The following ARL15 variants were observed in gnomAD, a reference collection of about 807,000 sequenced individuals.
The protein encoded by ARL15 is ADP-ribosylation factor-like protein 15.
A neutral mutation model predicts 25.2 loss-of-function variants in ARL15; 19 were observed. The ratio of observed to expected loss-of-function variants is 0.75; its 90% CI spans 0.53 to 1.10. The LOEUF is 1.10. Among genes scored for constraint, ARL15 ranks in the 50% least tolerant of loss-of-function variants. ARL15 has a pLI of 0.00. For synonymous variants in ARL15, 94 were observed against 86.8 expected (o/e 1.08, Z -0.46); for missense variants, 220 against 246.0 (o/e 0.89, Z 0.71).
chr5:54,084,488 A>G (rs1016102235), intron 4 of ARL15, among the ~76,000 whole-genome samples: 1 of 151,918 alleles, frequency 6.6e-6, no homozygotes, highest in African/African-American at 2.4e-5. Context: ...TTAAGGGAAA[A>G]AGCACAACAG....
At chr5:54,081,381 C>A (rs1412984724) in intron 4 of ARL15, among the ~76,000 whole-genome samples, 1 of 152,080 alleles carries the variant, frequency 6.6e-6, no homozygotes, top group Non-Finnish European at 1.5e-5. Flanking sequence ...AAAGAAAGAA[C>A]TGAAACAGTC....
intron 1 of ARL15, among the ~76,000 whole-genome samples, chr5:54,206,894 TA>T (rs1384367648): frequency 3.9e-5 from 6 of 152,174 alleles, no homozygotes; most frequent in African/African-American, 1.4e-4. Context: ...AGCCCAGATG[TA>T]AAAAAGTAAG....
intron 4 of ARL15, among the ~76,000 whole-genome samples, chr5:53,897,038 C>T (rs1215115190): frequency 6.6e-6 from 1 of 152,168 alleles, no homozygotes; most frequent in East Asian, 1.9e-4. Flanking sequence ...TTCTTTAGCA[C>T]ATGTTTTACT....
intron 3 of ARL15, among the ~76,000 whole-genome samples, chr5:54,132,990 G>A (rs72752122): frequency 0.1 from 15,668 of 152,118 alleles, 1,012 homozygotes; most frequent in Non-Finnish European, 0.15. Flanking sequence ...CAATAACAAA[G>A]ACAATAGAAT....
chr5:53,921,786 C>CA (rs928924237), intron 4 of ARL15, among the ~76,000 whole-genome samples: 3 of 152,060 alleles, frequency 2.0e-5, no homozygotes, highest in Admixed American at 1.3e-4. Context: ...CAAAACAAAA[C>CA]AAAAAATCAT....
chr5:54,272,904 G>A (rs1301309030), intron 1 of ARL15, among the ~76,000 whole-genome samples: 1 of 152,170 alleles, frequency 6.6e-6, no homozygotes, highest in East Asian at 1.9e-4. Flanking sequence ...AGCTAGCAGA[G>A]TAAGGAGACC....
intron 1 of ARL15, among the ~76,000 whole-genome samples, chr5:54,244,714 C>G (rs985348332): frequency 2.0e-5 from 3 of 152,036 alleles, no homozygotes; most frequent in African/African-American, 7.2e-5. Flanking sequence ...ATCTGCCTCT[C>G]TCCAGCACTG....
chr5:53,956,433 C>G (rs1331970402), intron 4 of ARL15, among the ~76,000 whole-genome samples: 2 of 148,824 alleles, frequency 1.3e-5, no homozygotes, highest in Admixed American at 6.6e-5. Context: ...ATGGTCCATT[C>G]ACAAAAGACC....
intron 1 of ARL15, chr5:54,282,168 T>A: frequency 5.2e-6 from 4 of 774,490 alleles, no homozygotes; most frequent in Non-Finnish European, 6.3e-6. Context: ...TATACCCCCA[T>A]CAGCAGTAGA....
chr5:54,111,042 T>A (rs1475995864), intron 4 of ARL15, among the ~76,000 whole-genome samples: 3 of 152,044 alleles, frequency 2.0e-5, no homozygotes, highest in African/African-American at 4.8e-5. Context: ...TGTGCTTCCA[T>A]AAACTTCAAG....
At chr5:54,132,949 T>C (rs1000423592) in intron 3 of ARL15, among the ~76,000 whole-genome samples, 2 of 152,192 alleles carry the variant, frequency 1.3e-5, no homozygotes, top group African/African-American at 2.4e-5. Context: ...TAAAAAAATC[T>C]AAACGATAAT....
intron 1 of ARL15, among the ~76,000 whole-genome samples, chr5:54,251,358 G>A (rs1341709453): frequency 6.6e-6 from 1 of 152,148 alleles, no homozygotes; most frequent in Non-Finnish European, 1.5e-5. Context: ...CTTGTTTGTT[G>A]AGTATGTTTT....
At chr5:53,943,689 C>T (rs1746623691) in intron 4 of ARL15, among the ~76,000 whole-genome samples, 1 of 152,058 alleles carries the variant, frequency 6.6e-6, no homozygotes, top group Non-Finnish European at 1.5e-5. Flanking sequence ...GAGTGGGTGG[C>T]TGAGATAGAG....
chr5:54,152,665 T>C (rs1754102572), intron 3 of ARL15, among the ~76,000 whole-genome samples: 1 of 152,232 alleles, frequency 6.6e-6, no homozygotes, highest in Non-Finnish European at 1.5e-5. Context: ...CGAATGTATC[T>C]GCTCTGATCC....
intron 4 of ARL15, among the ~76,000 whole-genome samples, chr5:54,012,058 T>C (rs2111788457): frequency 6.6e-6 from 1 of 152,270 alleles, no homozygotes; most frequent in South Asian, 2.1e-4. Context: ...ATTGTAAATT[T>C]AAGGTAGCAT....
intron 1 of ARL15, among the ~76,000 whole-genome samples, chr5:54,175,351 T>C (rs1408199604): frequency 6.6e-6 from 1 of 151,972 alleles, no homozygotes. Flanking sequence ...TTTTTTTTTT[T>C]CAGACAGAGT....
At chr5:54,007,961 C>T (rs1237097827) in intron 4 of ARL15, among the ~76,000 whole-genome samples, 2 of 152,110 alleles carry the variant, frequency 1.3e-5, no homozygotes, top group African/African-American at 4.8e-5. Context: ...AGACTCAGAC[C>T]TTCAATACAT....
chr5:54,208,304 T>C (rs191108865), intron 1 of ARL15, among the ~76,000 whole-genome samples: 111 of 152,232 alleles, frequency 7.3e-4, no homozygotes, highest in African/African-American at 2.5e-3. Context: ...GTCATTAATA[T>C]GAAAGACAGA....
chr5:54,106,450 T>G (rs1258703506), intron 4 of ARL15, among the ~76,000 whole-genome samples: 2 of 152,094 alleles, frequency 1.3e-5, no homozygotes, highest in Non-Finnish European at 2.9e-5. Context: ...TGGTATCTTT[T>G]GAGGATGGGT....
Sources: allele counts gnomAD v4.1 joint callset (sites outside exome capture counted in the v4.1 genomes callset), GRCh38; gene constraint gnomAD v4.1.1; transcripts MANE v1.5; gene names NCBI Gene and HGNC (gene_info 2026-07-23, HGNC 2026-07-21).